SETD2: variants seen among roughly 807,000 people sequenced by gnomAD.
SETD2 encodes SET domain containing 2, histone lysine methyltransferase.
Under a neutral mutation model 242.1 loss-of-function variants are expected in SETD2, and 31 were observed. That is an observed-to-expected ratio of 0.13 (90% CI 0.10 to 0.17). The LOEUF (loss-of-function observed/expected upper bound fraction) is 0.17, where lower values mean the gene tolerates loss of function less well. SETD2 is among the 10% of genes least tolerant of loss of function. The pLI is 1.00. For missense variants in SETD2, 2,481 were observed against 3,046.3 expected (o/e 0.81, Z 4.37); for synonymous variants, 1,006 against 1,066.5 (o/e 0.94, Z 1.11).
Position 47,123,513 on chromosome 3 carries a change from C to A in SETD2, c.1123G>T (p.Asp375Tyr), listed in dbSNP as rs2106705599. ...KPSRSKTDRD[D>Y]KYFSYSKLER... is the part of the protein sequence containing the mutation. Reference sequence around the variant, plus strand: ...AGTTTTGAATAGCTAAAATATTTATCATCTCTGTCTGTTTTAGATCGTGAA... The same window carrying A: ...AGTTTTGAATAGCTAAAATATTTATAATCTCTGTCTGTTTTAGATCGTGAA... The change falls in exon 3 of 21, where the codon GAT (aspartate) becomes TAT (tyrosine). Residue 375 changes from aspartate (D) to tyrosine (Y), a missense_variant. Physicochemically the swap from Asp to Tyr is radical, Grantham distance 160. Around this residue, in one of 17 missense-constraint regions of SETD2, gnomAD observed 1,300 missense variants for 1,259.2 expected, o/e 1.03. Transcript: ENST00000409792. 6.4e-7 allele frequency: 1 copy of A among 1,550,906 alleles called. No homozygotes were observed. Among genetic ancestry groups the A allele is most frequent in the African/African-American group, 1.4e-5 (1 of 73,158 alleles).
chr3:47,145,348 T>A (rs2043827551), intron 1 of SETD2, among the ~76,000 whole-genome samples: 5 of 152,238 alleles, frequency 3.3e-5, no homozygotes, highest in Admixed American at 2.6e-4. Flanking sequence ...CAATATTTTT[T>A]AATAATTTTG....
chr3:47,025,170 C>T (rs1234884215), intron 18 of SETD2, among the ~76,000 whole-genome samples: 3 of 152,150 alleles, frequency 2.0e-5, no homozygotes, highest in Non-Finnish European at 2.9e-5. Context: ...ATCTCCACAC[C>T]TCCTCCTCCT....
chr3:47,058,312 G>T (rs1336241757), intron 14 of SETD2, among the ~76,000 whole-genome samples: 1 of 151,760 alleles, frequency 6.6e-6, no homozygotes, highest in Non-Finnish European at 1.5e-5. Flanking sequence ...CTGGTGGTGT[G>T]TGCCTGTAAT....
At position 47,120,917 on chromosome 3, in the gene SETD2, G is replaced by T. The variant is rs2107747463; in HGVS notation, c.3719C>A (p.Ser1240Tyr). 2.5e-6 allele frequency: 4 copies of T among 1,614,232 alleles called. No homozygotes were observed. The highest frequency in any genetic ancestry group is 3.4e-6 in the Non-Finnish European group (4 of 1,180,032). The change falls in exon 3 of 21, where the codon TCT becomes TAT. Residue 1240 changes from serine (S) to tyrosine (Y), a missense_variant. Physicochemically the swap from Ser to Tyr is moderately radical, Grantham distance 144 (BLOSUM62 -2). Transcript: ENST00000409792. ...LGKTELSFSS[S>Y]CEIPHVDGLH... ...GCCATCCACATGTGGTATCTCACAA[G>T]AGGAAGAAAAACTCAATTCTGTTTT...
intron 9 of SETD2, among the ~76,000 whole-genome samples, chr3:47,092,940 T>C (rs151084896): frequency 1.1e-3 from 164 of 152,266 alleles, no homozygotes; most frequent in African/African-American, 3.5e-3. Flanking sequence ...TTTTAAGAAA[T>C]AGGTCTTCAA....
chr3:47,159,968 C>A, intron 1 of SETD2, among the ~76,000 whole-genome samples: 1 of 150,876 alleles, frequency 6.6e-6, no homozygotes, highest in African/African-American at 2.4e-5. Context: ...GAGTGAGACT[C>A]CATTCCAAAA....
chr3:47,055,509 C>A (rs958231719), intron 15 of SETD2, among the ~76,000 whole-genome samples: 42 of 151,080 alleles, frequency 2.8e-4, no homozygotes, highest in African/African-American at 9.0e-4. Flanking sequence ...GAGTTCAAGA[C>A]CAGCCTGGGC....
intron 3 of SETD2, chr3:47,119,636 C>T (rs963270110): frequency 1.5e-5 from 5 of 325,700 alleles, no homozygotes; most frequent in Admixed American, 3.9e-5. Context: ...GTAAGAAGTG[C>T]CTTTTGCCTC....
In SETD2 at chr3:47,062,261, T is replaced by C. The variant is rs778218771; in HGVS notation, c.6195A>G (p.Pro2065=). 6.2e-7 allele frequency: 1 copy of C among 1,614,156 alleles called. No individual in the cohort carries two copies. Among genetic ancestry groups the C allele is most frequent in the Non-Finnish European group, 8.5e-7 (1 of 1,180,002 alleles). The change falls in exon 14 of 21, where the codon CCA becomes CCG. Residue 2065 remains proline, a synonymous_variant. Transcript: ENST00000409792. ...KTPNRSRERD[P]DKQTQNKEKR... is the part of the protein sequence containing the mutation. ...TCTCTTTATTTTGAGTTTGCTTGTCTGGGTCTCTCTCTCTTGACCTATTAG... is the reference window on the plus strand; with the variant it reads ...TCTCTTTATTTTGAGTTTGCTTGTCCGGGTCTCTCTCTCTTGACCTATTAG...
intron 15 of SETD2, among the ~76,000 whole-genome samples, chr3:47,055,949 C>T (rs2040039595): frequency 8.2e-6 from 1 of 121,750 alleles, no homozygotes; most frequent in Admixed American, 1.1e-4. Flanking sequence ...GGAGGCGGAG[C>T]TTGCAGTGAA....
At chr3:47,102,111 G>T (rs1188594560) in intron 7 of SETD2, among the ~76,000 whole-genome samples, 1 of 152,182 alleles carries the variant, frequency 6.6e-6, no homozygotes, top group Non-Finnish European at 1.5e-5. Context: ...ATTAAAATGG[G>T]GGCAGATACA....
rs768564000 is a variant in SETD2 at position 47,017,128 on chromosome 3, C to T, written c.7660G>A (p.Val2554Ile). Residue 2554 changes from valine to isoleucine, a missense_variant, in exon 21 of 21, where the codon GTT becomes ATT. Transcript: ENST00000409792. This position sits in a 1 kb window ranked among gnomAD's most constrained non-coding sequence, Gnocchi z 4.8. Reference protein sequence around the residue: ...IKKYMQKFGAVYKPKEDTELE With the variant: ...IKKYMQKFGAIYKPKEDTELE ...TCAGTGTCCTCTTTGGGTTTGTAAACAGCCCCAAACTTCTGCATGTACTTC... is the reference window on the plus strand; with the variant it reads ...TCAGTGTCCTCTTTGGGTTTGTAAATAGCCCCAAACTTCTGCATGTACTTC... The T allele has an allele frequency of 2.2e-5, 36 of 1,614,082 alleles. No homozygotes were observed. Among genetic ancestry groups the T allele is most frequent in the Admixed American group, 6.7e-5 (4 of 60,012 alleles).
At chr3:47,132,960 T>C (rs533339086) in intron 1 of SETD2, among the ~76,000 whole-genome samples, 196 of 152,344 alleles carry the variant, frequency 1.3e-3, no homozygotes, top group African/African-American at 4.6e-3. Flanking sequence ...TTAAGGTCTA[T>C]AGGTTAGAAA....
intron 3 of SETD2, among the ~76,000 whole-genome samples, chr3:47,117,424 G>C (rs1409662746): frequency 6.6e-6 from 1 of 152,080 alleles, no homozygotes; most frequent in Non-Finnish European, 1.5e-5. Context: ...ACAGTTTCAA[G>C]TGTTAAAGTC....
chr3:47,140,931 T>G (rs1314995109), intron 1 of SETD2, among the ~76,000 whole-genome samples: 1 of 152,118 alleles, frequency 6.6e-6, no homozygotes, highest in Non-Finnish European at 1.5e-5. Flanking sequence ...GAGATAGGTT[T>G]CTGAGGGAGA....
intron 14 of SETD2, among the ~76,000 whole-genome samples, chr3:47,058,501 T>C (rs1273739920): frequency 9.3e-6 from 1 of 108,038 alleles, no homozygotes; most frequent in Admixed American, 9.9e-5. Flanking sequence ...GACTTGTACA[T>C]AGCAGCAACA....
chr3:47,143,930 C>G (rs2043793475), intron 1 of SETD2, among the ~76,000 whole-genome samples: 1 of 151,918 alleles, frequency 6.6e-6, no homozygotes, highest in Admixed American at 6.6e-5. Context: ...CAGGATGGTC[C>G]CGATCTCCTG....
chr3:47,067,003 G>C (rs2107599820), intron 13 of SETD2, 67 bp downstream of exon 13: 1 of 1,173,206 alleles, frequency 8.5e-7, no homozygotes, highest in South Asian at 1.3e-5. Context: ...GTTCTTATCA[G>C]TTACCTCTGC....
At chr3:47,098,152 CA>C in intron 8 of SETD2, 71 bp from the exon 9 acceptor site, 3 of 1,533,578 alleles carry the variant, frequency 2.0e-6, no homozygotes, top group South Asian at 1.2e-5. Context: ...GCAATACACA[CA>C]AAAGTCATAC....
Sources: allele counts gnomAD v4.1 joint callset (sites outside exome capture counted in the v4.1 genomes callset), GRCh38; gene constraint gnomAD v4.1.1; regional missense constraint gnomAD v4.1.1; non-coding constraint Gnocchi (gnomAD v3.1); transcripts MANE v1.5; gene names NCBI Gene and HGNC (gene_info 2026-07-23, HGNC 2026-07-21).